PIK3R5: variants seen among roughly 807,000 people sequenced by gnomAD.
PIK3R5 encodes phosphoinositide-3-kinase regulatory subunit 5.
PIK3R5 carries 32 observed loss-of-function variants against 94.9 expected under a neutral mutation model. The ratio of observed to expected loss-of-function variants is 0.34; its 90% CI spans 0.25 to 0.45. PIK3R5 has a LOEUF of 0.45. Ranked by LOEUF, PIK3R5 falls within the 20% of genes least tolerant of loss-of-function variation. PIK3R5 has a pLI of 1.00. For missense variants in PIK3R5, 853 were observed against 1,144.6 expected, an observed-to-expected ratio of 0.75 and a Z score of 3.68; for synonymous variants, 443 against 479.4, an observed-to-expected ratio of 0.92 and a Z score of 0.99.
At chr17:8,922,152 G>T (rs2090762959) in intron 1 of PIK3R5, among the ~76,000 whole-genome samples, 1 of 151,834 alleles carries the variant, frequency 6.6e-6, no homozygotes, top group Non-Finnish European at 1.5e-5. Context: ...AAGGAGGGAA[G>T]GTGGGAGGGT....
chr17:8,887,486 C>CT, intron 11 of PIK3R5, 35 bp downstream of exon 11: 1 of 1,574,962 alleles, frequency 6.3e-7, no homozygotes, highest in Non-Finnish European at 8.6e-7. Flanking sequence ...CAGAACTCTA[C>CT]TTTCCCCGAC....
At chr17:8,950,330 A>C (rs1224238236) in intron 1 of PIK3R5, among the ~76,000 whole-genome samples, 1 of 152,192 alleles carries the variant, frequency 6.6e-6, no homozygotes, top group East Asian at 1.9e-4. Context: ...TACGATTGTA[A>C]GTATTTTTTT....
chr17:8,953,134 A>G (rs368851427), intron 1 of PIK3R5, among the ~76,000 whole-genome samples: 6 of 152,286 alleles, frequency 3.9e-5, no homozygotes, highest in African/African-American at 1.2e-4. Context: ...CATTGCACCC[A>G]TTACATGGTC....
chr17:8,897,942 T>G (rs936591878), intron 5 of PIK3R5, among the ~76,000 whole-genome samples: 34 of 152,004 alleles, frequency 2.2e-4, no homozygotes, highest in African/African-American at 7.5e-4. Context: ...TGTGTGTGTG[T>G]GGTGTGTGTG....
chr17:8,913,374 G>A (rs1290824835), intron 1 of PIK3R5, among the ~76,000 whole-genome samples: 2 of 152,196 alleles, frequency 1.3e-5, no homozygotes, highest in Non-Finnish European at 2.9e-5. Context: ...TAGGTCCCAT[G>A]CCTTCTGGCT....
rs578181203 is a variant in PIK3R5, at chr17:8,882,697, C to T, written c.2206-816G>A. ...ACTCAAGCTCTTCCCCAACTGGACC[C>T]CGGCCTCTTCCTGTGGTCCCCCCAG... is the stretch of plus-strand genomic sequence containing the variant. On this transcript the variant is annotated intron_variant, in intron 15 of 18. Coordinates refer to ENST00000447110, the MANE Select transcript of PIK3R5 (RefSeq NM_001142633.3). The surrounding 1 kb of genome is among the most constrained non-coding windows in gnomAD (Gnocchi z 4.1). Among the ~76,000 whole-genome samples, 9 of 152,316 alleles carry T rather than the reference C, an allele frequency of 5.9e-5. 1 individual carries two copies. The highest frequency in any genetic ancestry group is 2.2e-4 in the African/African-American group (9 of 41,560).
chr17:8,943,407 T>C (rs1157872095), intron 1 of PIK3R5, among the ~76,000 whole-genome samples: 5 of 152,018 alleles, frequency 3.3e-5, no homozygotes, highest in Non-Finnish European at 7.4e-5. Context: ...GATTGAATCA[T>C]ATTAAACATG....
chr17:8,961,911 A>T (rs1326277521), intron 1 of PIK3R5, among the ~76,000 whole-genome samples: 1 of 152,226 alleles, frequency 6.6e-6, no homozygotes, highest in Admixed American at 6.5e-5. Context: ...TGACTCACTT[A>T]TCTGGAAGTC....
In PIK3R5 at chr17:8,881,985, T is replaced by C. The variant is rs899041045; in HGVS notation, c.2206-104A>G. 1.2e-6 allele frequency: 1 copy of C among 825,098 alleles called. No individual in the cohort carries two copies. The highest frequency in any genetic ancestry group is 1.5e-5 in the South Asian group (1 of 66,942). 51.1% of individuals were successfully genotyped at this position (825,098 alleles called of 1,614,324 possible). A position where few individuals can be genotyped will look rare whatever the true frequency, so the allele number is the denominator to read the frequency against. ...GACAGGGGGTTGCCTCTAGTTAGCA[T>C]ATCCCCAGAAAGCCCTCTCTTATTC... On this transcript the variant is annotated intron_variant, in intron 15 of 18. Coordinates refer to ENST00000447110, the MANE Select transcript of PIK3R5 (RefSeq NM_001142633.3). The surrounding 1 kb of genome is among the most constrained non-coding windows in gnomAD (Gnocchi z 4.8).
chr17:8,905,659 G>C lies in PIK3R5; in HGVS notation c.273+10C>G. ...CCTCACCTCCAGCATCCTGGCCCAC[G>C]TGGACTTACACAAAGAACAGTGGAA... On this transcript the variant is annotated intron_variant, in intron 4 of 18. Transcript: ENST00000447110. 1 of 1,589,632 alleles carries C rather than the reference G, an allele frequency of 6.3e-7. No homozygotes were observed. The highest frequency in any genetic ancestry group is 8.6e-7 in the Non-Finnish European group (1 of 1,167,664).
chr17:8,922,163 G>A (rs2090763692), intron 1 of PIK3R5, among the ~76,000 whole-genome samples: 1 of 151,886 alleles, frequency 6.6e-6, no homozygotes, highest in African/African-American at 2.4e-5. Context: ...GTGGGAGGGT[G>A]GGAGAGAAGG....
intron 1 of PIK3R5, among the ~76,000 whole-genome samples, chr17:8,918,994 C>A (rs1241211569): frequency 6.6e-6 from 1 of 152,136 alleles, no homozygotes; most frequent in African/African-American, 2.4e-5. Flanking sequence ...ATGGTGATTA[C>A]TCACCACATA....
At chr17:8,943,608 C>T (rs57454794) in intron 1 of PIK3R5, among the ~76,000 whole-genome samples, 31 of 152,222 alleles carry the variant, frequency 2.0e-4, no homozygotes, top group African/African-American at 7.0e-4. Context: ...CCCGTCTCTA[C>T]TAAAAAGTAC....
chr17:8,949,565 T>C (rs1254280446), intron 1 of PIK3R5, among the ~76,000 whole-genome samples: 1 of 152,182 alleles, frequency 6.6e-6, no homozygotes, highest in Non-Finnish European at 1.5e-5. Context: ...GTTGTCGTCA[T>C]CGTGAGGAAC....
At chr17:8,948,295 A>G (rs1419981768) in intron 1 of PIK3R5, among the ~76,000 whole-genome samples, 1 of 152,144 alleles carries the variant, frequency 6.6e-6, no homozygotes, top group African/African-American at 2.4e-5. Flanking sequence ...AGAATGGTTA[A>G]CCCACTGGAA....
At chr17:8,899,797 TGGG>T (rs2090238022) in intron 5 of PIK3R5, among the ~76,000 whole-genome samples, 1 of 152,170 alleles carries the variant, frequency 6.6e-6, no homozygotes, top group Non-Finnish European at 1.5e-5. Flanking sequence ...CCCAGCACTT[TGGG>T]AGGCCGAGGT....
At chr17:8,926,548 A>T (rs2090887719) in intron 1 of PIK3R5, among the ~76,000 whole-genome samples, 1 of 152,222 alleles carries the variant, frequency 6.6e-6, no homozygotes. Flanking sequence ...GGCACGTCTT[A>T]CATGGCAGCA....
chr17:8,888,477 C>T lies in PIK3R5; in HGVS notation c.1310G>A (p.Arg437Gln), dbSNP rs62638687. 23 of 1,604,032 alleles carry T rather than the reference C, an allele frequency of 1.4e-5. No individual in the cohort carries two copies. Among genetic ancestry groups the T allele is most frequent in the African/African-American group, 1.3e-4 (10 of 74,834 alleles). ...LFKSTSQLVL[R>Q]RDSRSLEGSS... is the part of the protein sequence containing the mutation. ...GCCCTCCAGGCTCCGAGAGTCCCTC[C>T]GCAGTACCAGCTGGCTGGTGCTCTT... Residue 437 changes from arginine to glutamine, a missense_variant, in exon 10 of 19, where the codon CGG becomes CAG. Physicochemically the swap from Arg to Gln is conservative, Grantham distance 43 (BLOSUM62 1). This residue lies in a region of PIK3R5 where 319 missense variants were observed against 339.8 expected (regional missense o/e 0.94). Coordinates refer to ENST00000447110, the MANE Select transcript of PIK3R5 (RefSeq NM_001142633.3). The surrounding 1 kb of genome is among the most constrained non-coding windows in gnomAD (Gnocchi z 7.8).
At chr17:8,963,741 G>T (rs958760084) in intron 1 of PIK3R5, among the ~76,000 whole-genome samples, 5 of 152,042 alleles carry the variant, frequency 3.3e-5, no homozygotes, top group Non-Finnish European at 7.4e-5. Context: ...CAGGGAGGCA[G>T]AGACTGTCTG....
Sources: gnomAD v4.1 joint callset for allele counts (sites outside exome capture counted in the v4.1 genomes callset) on GRCh38, gnomAD v4.1.1 for gene constraint, gnomAD v4.1.1 regional missense constraint, Gnocchi (gnomAD v3.1) non-coding constraint, MANE v1.5 for transcripts, NCBI Gene and HGNC (gene_info 2026-07-23, HGNC 2026-07-21) for gene names.